Variants in TRAK2 observed in about 807,000 individuals in gnomAD.
TRAK2 encodes trafficking kinesin protein 2.
Under a neutral mutation model 104.6 loss-of-function variants are expected in TRAK2, and 81 were observed. The observed-to-expected ratio is 0.77, with a 90% CI of 0.65 to 0.93. TRAK2 has a LOEUF of 0.93. Among genes scored for constraint, TRAK2 ranks in the 40% least tolerant of loss-of-function variants. The probability of loss-of-function intolerance (pLI) is 0.00; values close to 1 mark genes in which losing one functional copy is unlikely to be tolerated. For synonymous variants in TRAK2, 406 were observed against 394.4 expected (o/e 1.03, Z -0.35); for missense variants, 1,002 against 1,089.0 (o/e 0.92, Z 1.12).
chr2:201,405,772 C>G (rs1951588199), intron 3 of TRAK2, among the ~76,000 whole-genome samples: 1 of 152,176 alleles, frequency 6.6e-6, no homozygotes, highest in African/African-American at 2.4e-5. Context: ...ATCACAAGAT[C>G]AGGAGTTCGA....
chr2:201,415,025 T>A (rs1199210253), intron 2 of TRAK2, among the ~76,000 whole-genome samples: 2 of 152,090 alleles, frequency 1.3e-5, no homozygotes, highest in African/African-American at 4.8e-5. Flanking sequence ...CATATTCTGA[T>A]AATGTTCCAT....
At position 201,378,211 on chromosome 2, in the gene TRAK2, TCTA is replaced by T. The variant is rs1188467105; in HGVS notation, c.*2329_*2331del. On this transcript the variant is annotated 3_prime_UTR_variant, in exon 16 of 16. Coordinates refer to ENST00000332624, the MANE Select transcript of TRAK2 (RefSeq NM_015049.3). Reference sequence around the variant, plus strand: ...TCAACATCAATGTACTTAAAAAAAATCTAAGCCTGGTTCTTTTTGATCAGATGT... The same window carrying T: ...TCAACATCAATGTACTTAAAAAAAATAGCCTGGTTCTTTTTGATCAGATGT... The T allele has an allele frequency of 6.6e-6, 1 of 152,150 alleles. No individual in the cohort carries two copies. The highest frequency in any genetic ancestry group is 2.4e-5 in the African/African-American group (1 of 41,450). 9.4% of individuals were successfully genotyped at this position (152,150 alleles called of 1,614,324 possible). A position where few individuals can be genotyped will look rare whatever the true frequency, so the allele number is the denominator to read the frequency against.
chr2:201,387,630 C>G, intron 13 of TRAK2, 73 bp downstream of exon 13: 1 of 1,417,686 alleles, frequency 7.1e-7, no homozygotes. Flanking sequence ...AATTAAGACA[C>G]AAATCTCAAT....
chr2:201,407,463 G>A lies in TRAK2; in HGVS notation c.226C>T (p.Arg76Trp), dbSNP rs147995594. The change falls in exon 3 of 16, where the codon CGG becomes TGG. Residue 76 changes from arginine to tryptophan, a missense_variant. By Grantham distance (101) the Arg-to-Trp change is moderately radical. Transcript: ENST00000332624. ...GAGAGAGCATCAGATGCATGCTGCC[G>A]CTGGTGTGGAGACTGAGTCCAGTCT... ...NQDWTQSPHQ[R>W]QHASDALSPV... 5.3e-4 allele frequency: 860 copies of A among 1,614,050 alleles called. 7 individuals are homozygous for A. In the African/African-American group the frequency reaches 0.01, roughly 19 times the overall value.
chr2:201,404,078 G>C (rs1156466266), intron 3 of TRAK2, among the ~76,000 whole-genome samples: 2 of 152,128 alleles, frequency 1.3e-5, no homozygotes, highest in Non-Finnish European at 2.9e-5. Context: ...ATAAAGACAT[G>C]CTGCTTGGAA....
chr2:201,406,204 G>A (rs2125648968), intron 3 of TRAK2, among the ~76,000 whole-genome samples: 1 of 152,178 alleles, frequency 6.6e-6, no homozygotes, highest in South Asian at 2.1e-4. Flanking sequence ...ATAGTATTTG[G>A]GCTTCTTGAT....
intron 2 of TRAK2, among the ~76,000 whole-genome samples, chr2:201,418,404 C>T (rs1200217537): frequency 6.6e-6 from 1 of 151,992 alleles, no homozygotes; most frequent in Non-Finnish European, 1.5e-5. Context: ...TTGAACTCCT[C>T]GGCTCAAGTG....
rs538214400 is a variant in TRAK2 at position 201,400,888 on chromosome 2, G to C, written c.363+130C>G. 1.5e-4 allele frequency: 85 copies of C among 557,254 alleles called. 1 individual carries two copies. The South Asian group carries it at 2.4e-3, about 16-fold the overall frequency. The allele number at this position is 557,254 out of a possible 1,614,324, so 34.5% of individuals were successfully genotyped here. The stretch of plus-strand genomic sequence containing the variant: ...CTACTTTGAAATGTCAGTTGTTCCA[G>C]TAGCAACAACCTTATACAAAATAAC... On this transcript the variant is annotated intron_variant, in intron 4 of 15. Coordinates refer to ENST00000332624, the MANE Select transcript of TRAK2 (RefSeq NM_015049.3).
At chr2:201,382,124 A>C (rs1951350728) in intron 15 of TRAK2, among the ~76,000 whole-genome samples, 1 of 152,206 alleles carries the variant, frequency 6.6e-6, no homozygotes, top group Non-Finnish European at 1.5e-5. Context: ...TACTTTACAC[A>C]ATACATACTT....
intron 1 of TRAK2, among the ~76,000 whole-genome samples, chr2:201,438,466 T>C (rs1225010936): frequency 2.6e-5 from 4 of 152,218 alleles, no homozygotes; most frequent in African/African-American, 9.6e-5. Context: ...TGAATGTTAT[T>C]ACTGTCATCA....
intron 14 of TRAK2, among the ~76,000 whole-genome samples, chr2:201,386,001 T>G (rs1951385488): frequency 6.6e-6 from 1 of 152,188 alleles, no homozygotes; most frequent in Non-Finnish European, 1.5e-5. Flanking sequence ...AACCACTGAC[T>G]TGAATTCATC....
In TRAK2 at chr2:201,433,490, T is replaced by C. The variant is rs1951858626; in HGVS notation, c.-199-12784A>G. 3 of 152,238 alleles carry C rather than the reference T, an allele frequency of 2.0e-5. No homozygotes were observed. The South Asian group carries it at 6.2e-4, about 31-fold the overall frequency. 9.4% of individuals were successfully genotyped at this position (152,238 alleles called of 1,614,324 possible). Reference sequence around the variant, plus strand: ...AACAGGCTGAATTCCAAAAGGCTGTTAAATCCATTCGTTTAAACGTCCAAA... The same window carrying C: ...AACAGGCTGAATTCCAAAAGGCTGTCAAATCCATTCGTTTAAACGTCCAAA... On this transcript the variant is annotated intron_variant, in intron 1 of 15. Transcript: ENST00000332624.
Position 201,398,207 on chromosome 2 carries a change from A to G in TRAK2, c.628T>C (p.Leu210=). 4.3e-6 allele frequency: 7 copies of G among 1,613,744 alleles called. No individual in the cohort carries two copies. Among genetic ancestry groups the G allele is most frequent in the Non-Finnish European group, 5.1e-6 (6 of 1,179,716 alleles). Residue 210 remains leucine (L), a synonymous_variant, in exon 6 of 16, where the codon TTG becomes CTG. Transcript: ENST00000332624. ...SFSLSQGLLQ[L]EMLQEKLKEL... ...TTGAGCTTTTCTTGCAGCATTTCCA[A>G]CTGCAGCAACCCTTGAGATAAGCTA... is the stretch of plus-strand genomic sequence containing the variant.
Position 201,397,520 on chromosome 2 carries a change from C to T in TRAK2, c.751G>A (p.Asp251Asn), listed in dbSNP as rs753273891. Residue 251 changes from aspartate to asparagine, a missense_variant, in exon 7 of 16, where the codon GAC becomes AAC. Asp to Asn is a conservative substitution (Grantham distance 23). Transcript: ENST00000332624. Reference protein sequence around the residue: ...YEEKEQQLVSDCVKELRETNA... With the variant: ...YEEKEQQLVSNCVKELRETNA... ...TACTCACGAAGTTCTTTAACACAGT[C>T]GCTGACAAGCTGTTGTTCCTTTTCT... 1.7e-5 allele frequency: 28 copies of T among 1,612,396 alleles called. No homozygotes were observed. Among genetic ancestry groups the T allele is most frequent in the African/African-American group, 5.3e-5 (4 of 74,834 alleles).
intron 2 of TRAK2, chr2:201,410,858 C>T: frequency 1.3e-6 from 2 of 1,592,960 alleles, no homozygotes; most frequent in Non-Finnish European, 1.7e-6. Flanking sequence ...GGCTTCGCAC[C>T]AGCAGGAGGA....
chr2:201,413,789 C>G (rs1559447353), intron 2 of TRAK2, among the ~76,000 whole-genome samples: 1 of 152,152 alleles, frequency 6.6e-6, no homozygotes, highest in South Asian at 2.1e-4. Context: ...AGGACAAAGG[C>G]TGACAACTTG....
chr2:201,386,292 T>G lies in TRAK2; in HGVS notation c.1889A>C (p.Glu630Ala). Residue 630 changes from glutamate (E) to alanine (A), a missense_variant, in exon 14 of 16, where the codon GAG becomes GCG. Physicochemically the swap from Glu to Ala is moderately radical, Grantham distance 107 (BLOSUM62 -1). Coordinates refer to ENST00000332624, the MANE Select transcript of TRAK2 (RefSeq NM_015049.3). ...FQVQQPLEVE[E>A]KLSTSKPVTG... ...TACTGGCTTGGATGTTGAAAGTTTC[T>G]CTTCCACTTCAAGAGGTTGCTGAAC... is the stretch of plus-strand genomic sequence containing the variant. 6.2e-7 allele frequency: 1 copy of G among 1,614,170 alleles called. No homozygotes were observed. The highest frequency in any genetic ancestry group is 1.1e-5 in the South Asian group (1 of 91,088).
At chr2:201,384,611 T>C (rs1324903082) in intron 14 of TRAK2, among the ~76,000 whole-genome samples, 1 of 152,182 alleles carries the variant, frequency 6.6e-6, no homozygotes, top group East Asian at 1.9e-4. Flanking sequence ...GACAGAGGCC[T>C]TTTCTTTTTG....
intron 2 of TRAK2, chr2:201,413,273 AACAGT>A (rs1430982247): frequency 7.6e-6 from 10 of 1,309,424 alleles, no homozygotes; most frequent in Non-Finnish European, 3.3e-6. Context: ...TTACTTCTGT[AACAGT>A]ACTCTTCAAT....
Sources: gnomAD v4.1 joint callset for allele counts (sites outside exome capture counted in the v4.1 genomes callset) on GRCh38, gnomAD v4.1.1 for gene constraint, MANE v1.5 for transcripts, NCBI Gene and HGNC (gene_info 2026-07-23, HGNC 2026-07-21) for gene names.